TNFSF4: variants seen among roughly 807,000 people sequenced by gnomAD.
TNFSF4 encodes tumor necrosis factor ligand superfamily member 4.
In TNFSF4, 4 loss-of-function variants were observed where a neutral mutation model predicts 7.3. The observed-to-expected ratio is 0.55, with a 90% CI of 0.27 to 1.25. TNFSF4 has a LOEUF of 1.25. Ranked by LOEUF, TNFSF4 falls within the 50% of genes most tolerant of loss-of-function variation. The pLI is 0.12. For missense variants in TNFSF4, 181 were observed against 208.8 expected, an observed-to-expected ratio of 0.87 and a Z score of 0.82; for synonymous variants, 76 against 83.7, an observed-to-expected ratio of 0.91 and a Z score of 0.50.
chr1:173,227,804 T>C, the TNFSF4 span, among the ~76,000 whole-genome samples: 2 of 152,216 alleles, frequency 1.3e-5, no homozygotes, highest in African/African-American at 4.8e-5. Flanking sequence ...ACGCATGGCT[T>C]GGAGGGTCCC....
At chr1:173,414,137 A>C in the TNFSF4 span, among the ~76,000 whole-genome samples, 1 of 152,186 alleles carries the variant, frequency 6.6e-6, no homozygotes, top group Non-Finnish European at 1.5e-5. Context: ...ACAAAGTACC[A>C]CAGACTGGAG....
the TNFSF4 span, among the ~76,000 whole-genome samples, chr1:173,290,938 T>C: frequency 0.023 from 3,490 of 152,252 alleles, 133 homozygotes; most frequent in African/African-American, 0.08. Context: ...CTCAAAATCA[T>C]ACAATTACAT....
the TNFSF4 span, among the ~76,000 whole-genome samples, chr1:173,257,107 C>A: frequency 6.6e-6 from 1 of 152,222 alleles, no homozygotes; most frequent in African/African-American, 2.4e-5. Flanking sequence ...AAGGCACTAT[C>A]CAATGCTTCT....
chr1:173,223,448 GC>G, the TNFSF4 span, among the ~76,000 whole-genome samples: 8 of 151,188 alleles, frequency 5.3e-5, no homozygotes, highest in African/African-American at 1.9e-4. Context: ...AAGTCCACCC[GC>G]CCCCCCAAAA....
chr1:173,216,685 C>T, the TNFSF4 span, among the ~76,000 whole-genome samples: 1 of 152,094 alleles, frequency 6.6e-6, no homozygotes, highest in Non-Finnish European at 1.5e-5. Context: ...AGTTTGTTCA[C>T]CCCTTTCTGC....
rs34142834 is a variant in TNFSF4 at position 173,195,061 on chromosome 1, G to A, written c.154-6492C>T. Among the ~76,000 whole-genome samples, 493 of 152,098 alleles carry A rather than the reference G, an allele frequency of 3.2e-3. 2 individuals are homozygous for A. Among genetic ancestry groups the A allele is most frequent in the Middle Eastern group, 6.8e-3 (2 of 294 alleles). On this transcript the variant is annotated intron_variant, in intron 1 of 2. Transcript: ENST00000281834. The stretch of plus-strand genomic sequence containing the variant: ...AAAAATTAGTGCTGCTAAGAACTTG[G>A]TCGGGAATAAATATTTATTCATTTG...
the TNFSF4 span, among the ~76,000 whole-genome samples, chr1:173,378,182 A>G: frequency 6.6e-6 from 1 of 152,146 alleles, no homozygotes; most frequent in African/African-American, 2.4e-5. Flanking sequence ...CAGTGAGTGC[A>G]ACTATTCTGA....
the TNFSF4 span, among the ~76,000 whole-genome samples, chr1:173,397,815 T>C: frequency 3.9e-5 from 6 of 152,090 alleles, no homozygotes; most frequent in Non-Finnish European, 7.3e-5. Context: ...TTGCAGAGAT[T>C]TGCACCACCA....
chr1:173,409,616 G>T, the TNFSF4 span, among the ~76,000 whole-genome samples: 1 of 152,178 alleles, frequency 6.6e-6, no homozygotes, highest in Non-Finnish European at 1.5e-5. Context: ...TTAAGGTAAA[G>T]CCCAAGACTA....
the TNFSF4 span, among the ~76,000 whole-genome samples, chr1:173,322,807 A>C: frequency 3.9e-5 from 6 of 152,216 alleles, no homozygotes; most frequent in African/African-American, 1.4e-4. Context: ...GCAGCCTGAG[A>C]TGAAATTGCA....
At chr1:173,240,156 C>T in the TNFSF4 span, among the ~76,000 whole-genome samples, 1 of 152,158 alleles carries the variant, frequency 6.6e-6, no homozygotes, top group African/African-American at 2.4e-5. Context: ...CTTCCTCATT[C>T]CTTCCTCCCT....
chr1:173,402,458 T>A, the TNFSF4 span, among the ~76,000 whole-genome samples: 1 of 152,202 alleles, frequency 6.6e-6, no homozygotes, highest in Non-Finnish European at 1.5e-5. Flanking sequence ...GGTAATAATT[T>A]CAGATTTTGA....
At chr1:173,295,498 T>G in the TNFSF4 span, among the ~76,000 whole-genome samples, 1 of 151,998 alleles carries the variant, frequency 6.6e-6, no homozygotes, top group African/African-American at 2.4e-5. Flanking sequence ...CTTCACCTGA[T>G]CTGGACACAA....
chr1:173,215,213 C>T, the TNFSF4 span, among the ~76,000 whole-genome samples: 3 of 152,136 alleles, frequency 2.0e-5, no homozygotes, highest in South Asian at 6.2e-4. Context: ...AAAGAACCCT[C>T]ACCAGAACCC....
the TNFSF4 span, among the ~76,000 whole-genome samples, chr1:173,425,692 A>T: frequency 6.6e-5 from 10 of 152,198 alleles, no homozygotes; most frequent in African/African-American, 2.4e-4. Flanking sequence ...CTGTTCAAGA[A>T]AGAAACATGA....
the TNFSF4 span, among the ~76,000 whole-genome samples, chr1:173,254,443 T>A: frequency 6.6e-6 from 1 of 152,202 alleles, no homozygotes; most frequent in African/African-American, 2.4e-5. Flanking sequence ...CTTATTCAAC[T>A]GACTCCAGTA....
At chr1:173,416,188 G>A in the TNFSF4 span, among the ~76,000 whole-genome samples, 879 of 152,304 alleles carry the variant, frequency 5.8e-3, 4 homozygotes, top group South Asian at 0.011. Context: ...GTAGCTCTCT[G>A]GGCACATGTA....
chr1:173,443,099 G>A, the TNFSF4 span, among the ~76,000 whole-genome samples: 255 of 152,248 alleles, frequency 1.7e-3, 3 homozygotes, highest in Admixed American at 0.016. Context: ...CACTATTAGG[G>A]TCCATTTTGC....
At chr1:173,229,850 T>C in the TNFSF4 span, among the ~76,000 whole-genome samples, 3 of 151,956 alleles carry the variant, frequency 2.0e-5, no homozygotes, top group Non-Finnish European at 4.4e-5. Flanking sequence ...CATTGCATAA[T>C]GGTAAAGGGA....
Sources: allele counts gnomAD v4.1 joint callset (sites outside exome capture counted in the v4.1 genomes callset), GRCh38; gene constraint gnomAD v4.1.1; transcripts MANE v1.5; gene names NCBI Gene and HGNC (gene_info 2026-07-23, HGNC 2026-07-21).